COPS4: variants seen among roughly 807,000 people sequenced by gnomAD.
The protein encoded by COPS4 is COP9 signalosome subunit 4.
COPS4 carries 8 observed loss-of-function variants against 55.1 expected under a neutral mutation model. The ratio of observed to expected loss-of-function variants is 0.15; its 90% CI spans 0.09 to 0.26. The LOEUF is 0.26. Among genes scored for constraint, COPS4 ranks in the 10% least tolerant of loss-of-function variants. The pLI, the probability that COPS4 is intolerant of heterozygous loss-of-function variation, is 1.00. For synonymous variants in COPS4, 185 were observed against 165.7 expected (o/e 1.12, Z -0.90); for missense variants, 248 against 484.0 (o/e 0.51, Z 4.58).
intron 7 of COPS4, among the ~76,000 whole-genome samples, chr4:83,064,444 A>G (rs1731246594): frequency 6.6e-6 from 1 of 152,252 alleles, no homozygotes. Flanking sequence ...CATCACCAAC[A>G]TCCATCTCCA....
At chr4:83,066,775 G>A (rs1196322487) in intron 8 of COPS4, among the ~76,000 whole-genome samples, 3 of 152,022 alleles carry the variant, frequency 2.0e-5, no homozygotes, top group Non-Finnish European at 4.4e-5. Flanking sequence ...AGTGTTTTTT[G>A]GTGTTTTAAA....
At position 83,038,628 on chromosome 4, in the gene COPS4, TTTTGTTTG is replaced by T. The variant is rs143836937; in HGVS notation, c.74+3342_74+3349del. Among the ~76,000 whole-genome samples the T allele has an allele frequency of 2.1e-3, 320 of 151,682 alleles. 2 individuals carry two copies. Among genetic ancestry groups the T allele is most frequent in the African/African-American group, 7.4e-3 (308 of 41,352 alleles). On this transcript the variant is annotated intron_variant, in intron 1 of 9. Coordinates refer to ENST00000264389, the MANE Select transcript of COPS4 (RefSeq NM_016129.3). ...AATTATATTAGCACTTACCTGTTTTTTTTGTTTGTTTGTTTGTTTTGTTTTGTTTTGAG... is the reference window on the plus strand; with the variant it reads ...AATTATATTAGCACTTACCTGTTTTTTTTGTTTGTTTTGTTTTGTTTTGAG...
At position 83,038,744 on chromosome 4, in the gene COPS4, C is replaced by T. The variant is rs534118685; in HGVS notation, c.74+3446C>T. Among the ~76,000 whole-genome samples, 38 of 152,214 alleles carry T rather than the reference C, an allele frequency of 2.5e-4. 1 individual carries two copies. The South Asian group carries it at 4.6e-3, about 18-fold the overall frequency. On this transcript the variant is annotated intron_variant, in intron 1 of 9. Coordinates refer to ENST00000264389, the MANE Select transcript of COPS4 (RefSeq NM_016129.3). The stretch of plus-strand genomic sequence containing the variant: ...GCAACCTCTGCCTCCCGGGTTCAAC[C>T]GATTCTTCTGCCTCAGCCTCCCAAG...
intron 9 of COPS4, among the ~76,000 whole-genome samples, chr4:83,073,913 C>T (rs1731501903): frequency 2.0e-5 from 3 of 151,090 alleles, no homozygotes; most frequent in South Asian, 4.2e-4. Flanking sequence ...GCTGATATCG[C>T]GCCACTGCAC....
At chr4:83,064,869 C>CTTTTTTTTTTTTTTTTT (rs140166684) in intron 7 of COPS4, among the ~76,000 whole-genome samples, 2 of 73,596 alleles carry the variant, frequency 2.7e-5, no homozygotes, top group African/African-American at 6.0e-5. Flanking sequence ...TAAGCAGTCC[C>CTTTTTTTTTTTTTTTTT]TTTTTTTTTT....
chr4:83,049,543 C>A, intron 3 of COPS4: 1 of 502,240 alleles, frequency 2.0e-6, no homozygotes, highest in African/African-American at 2.0e-5. Context: ...AAATATTGCT[C>A]TCTAGACAAT....
At chr4:83,057,115 T>C (rs775054618) in intron 5 of COPS4, 36 bp downstream of exon 5, 1 of 1,580,918 alleles carries the variant, frequency 6.3e-7, no homozygotes, top group Non-Finnish European at 8.7e-7. Context: ...ACTTTTGTAT[T>C]GGAGAATTGT....
intron 9 of COPS4, chr4:83,073,080 A>C: frequency 2.3e-6 from 1 of 430,848 alleles, no homozygotes. Context: ...TAAACAATTC[A>C]ATGGCCTGTA....
At chr4:83,059,851 C>A (rs1731113349) in intron 6 of COPS4, among the ~76,000 whole-genome samples, 1 of 151,938 alleles carries the variant, frequency 6.6e-6, no homozygotes, top group Non-Finnish European at 1.5e-5. Flanking sequence ...CAGGCGCCTG[C>A]CACCACACCT....
intron 2 of COPS4, among the ~76,000 whole-genome samples, chr4:83,048,154 C>T (rs1013760239): frequency 3.9e-5 from 6 of 152,076 alleles, no homozygotes; most frequent in Admixed American, 6.6e-5. Context: ...TATATTATTG[C>T]ATTTAAGCTT....
intron 1 of COPS4, among the ~76,000 whole-genome samples, chr4:83,040,155 G>A (rs1730522610): frequency 6.6e-6 from 1 of 152,064 alleles, no homozygotes. Flanking sequence ...TTTCTAAGTT[G>A]GGTTGTATTT....
intron 5 of COPS4, 84 bp downstream of exon 5, chr4:83,057,163 C>T: frequency 1.3e-6 from 2 of 1,504,766 alleles, no homozygotes; most frequent in Non-Finnish European, 1.8e-6. Flanking sequence ...GATAGATGCT[C>T]TTAAATATTA....
intron 9 of COPS4, among the ~76,000 whole-genome samples, chr4:83,074,246 TCA>T (rs1354855005): frequency 6.6e-6 from 1 of 152,164 alleles, no homozygotes; most frequent in Non-Finnish European, 1.5e-5. Flanking sequence ...AAAGACAGCC[TCA>T]GTCTTTTTTT....
In COPS4 at chr4:83,063,957, C is replaced by T. The variant is rs146292567; in HGVS notation, c.886+711C>T. Among the ~76,000 whole-genome samples, 1,381 of 152,286 alleles carry T rather than the reference C, an allele frequency of 9.1e-3. 23 individuals are homozygous for T. Among genetic ancestry groups the T allele is most frequent in the African/African-American group, 0.032 (1,314 of 41,556 alleles). Reference sequence around the variant, plus strand: ...TCAGGTGATTCGCCCCCCTCAGCCTCTCAAAGTGATGAGATTACAGGCGTG... The same window carrying T: ...TCAGGTGATTCGCCCCCCTCAGCCTTTCAAAGTGATGAGATTACAGGCGTG... On this transcript the variant is annotated intron_variant, in intron 7 of 9. Transcript: ENST00000264389.
intron 9 of COPS4, among the ~76,000 whole-genome samples, chr4:83,071,717 CTT>C (rs561071392): frequency 6.9e-6 from 1 of 144,482 alleles, no homozygotes. Context: ...TTGTGCCTGG[CTT>C]TTTTTTTTTT....
intron 6 of COPS4, among the ~76,000 whole-genome samples, chr4:83,058,867 A>G (rs1177778428): frequency 1.2e-4 from 19 of 152,184 alleles, no homozygotes; most frequent in Non-Finnish European, 4.4e-5. Context: ...ATACTTTTGA[A>G]TTTTTGATAG....
intron 7 of COPS4, among the ~76,000 whole-genome samples, chr4:83,064,902 C>CTTTTTTTTTTTT (rs1180470999): frequency 1.7e-4 from 13 of 75,174 alleles, no homozygotes; most frequent in Non-Finnish European, 1.7e-4. Context: ...TTTTTTTTTA[C>CTTTTTTTTTTTT]TTTTTGAGAC....
intron 6 of COPS4, among the ~76,000 whole-genome samples, chr4:83,059,782 A>G (rs1365582284): frequency 1.4e-5 from 2 of 146,692 alleles, no homozygotes; most frequent in Admixed American, 6.8e-5. Context: ...CTGCAAGCTC[A>G]GCCTCCCAGG....
chr4:83,038,489 A>G (rs994078526), intron 1 of COPS4, among the ~76,000 whole-genome samples: 3 of 152,174 alleles, frequency 2.0e-5, no homozygotes, highest in Non-Finnish European at 4.4e-5. Context: ...AAAATTGACT[A>G]CACTTCAGAT....
Sources: gnomAD v4.1 joint callset for allele counts (sites outside exome capture counted in the v4.1 genomes callset) on GRCh38, gnomAD v4.1.1 for gene constraint, MANE v1.5 for transcripts, NCBI Gene and HGNC (gene_info 2026-07-23, HGNC 2026-07-21) for gene names.